The following ATP7A variants were observed in gnomAD, a reference collection of about 807,000 sequenced individuals.
ATP7A encodes the protein copper-transporting ATPase 1.
ATP7A carries 7 observed loss-of-function variants against 83.5 expected under a neutral mutation model. That is an observed-to-expected ratio of 0.08 (90% CI 0.05 to 0.16). The LOEUF is 0.16. ATP7A is among the 10% of genes least tolerant of loss of function. ATP7A has a pLI of 1.00. For missense variants in ATP7A, 940 were observed against 1,120.8 expected (o/e 0.84, Z 2.30); for synonymous variants, 354 against 395.2 (o/e 0.90, Z 1.24).
chrX:77,961,153 A>G (rs931510689), intron 1 of ATP7A, among the ~76,000 whole-genome samples: 57 of 111,737 alleles, frequency 5.1e-4, no homozygotes, highest in African/African-American at 1.8e-3. Flanking sequence ...CAGAATTGAT[A>G]TGACTTAAAT....
At chrX:78,010,332 T>C (rs1331538356) in intron 7 of ATP7A, among the ~76,000 whole-genome samples, 2 of 112,105 alleles carry the variant, frequency 1.8e-5, no homozygotes, top group Non-Finnish European at 1.9e-5. Context: ...CAAAAGCTCA[T>C]GCTTGTTCTA....
At chrX:78,012,590 T>TAAA (rs782360257) in intron 9 of ATP7A, among the ~76,000 whole-genome samples, 2 of 81,329 alleles carry the variant, frequency 2.5e-5, no homozygotes, top group South Asian at 6.3e-4. Context: ...GACTGTCTCT[T>TAAA]AAAAAAAAAA....
intron 4 of ATP7A, 108 bp downstream of exon 4, chrX:77,990,066 T>G: frequency 9.6e-7 from 1 of 1,040,451 alleles, no homozygotes; most frequent in Non-Finnish European, 1.3e-6. Context: ...GTAATTCCAC[T>G]TTTGCAAATA....
At chrX:78,017,735 GA>G (rs782796530) in intron 12 of ATP7A, among the ~76,000 whole-genome samples, 1 of 105,369 alleles carries the variant, frequency 9.5e-6, no homozygotes, top group East Asian at 3.0e-4. Context: ...TAGGGTGGGG[GA>G]AAAATGCCAT....
At chrX:77,950,801 A>T (rs1231351096) in intron 1 of ATP7A, among the ~76,000 whole-genome samples, 2 of 111,208 alleles carry the variant, frequency 1.8e-5, no homozygotes, top group African/African-American at 3.3e-5. Flanking sequence ...AGGCAGGCAG[A>T]TCACAAGGTC....
chrX:77,937,592 T>C (rs1225172309), intron 1 of ATP7A, among the ~76,000 whole-genome samples: 2 of 111,794 alleles, frequency 1.8e-5, no homozygotes, highest in Non-Finnish European at 3.8e-5. Context: ...GATGAATAGA[T>C]TGTTGTATTT....
chrX:77,966,821 C>T (rs1009352644), intron 1 of ATP7A: 11 of 328,329 alleles, frequency 3.4e-5, no homozygotes, highest in East Asian at 9.8e-5. Flanking sequence ...ATGTGCAGAA[C>T]GTGCAGGTTT....
chrX:78,048,813 G>A lies in ATP7A; in HGVS notation c.*2243G>A, dbSNP rs1360741112. The A allele has an allele frequency of 2.7e-5, 3 of 110,886 alleles. No homozygotes were observed. Among genetic ancestry groups the A allele is most frequent in the Non-Finnish European group, 5.7e-5 (3 of 53,002 alleles). 9.1% of individuals were successfully genotyped at this position (110,886 alleles called of 1,213,427 possible). Reference sequence around the variant, plus strand: ...CAACTTGTTTCTTCTAGAAGACAGAGCTGATAGGGTAAATGTTGAAAAAAG... The same window carrying A: ...CAACTTGTTTCTTCTAGAAGACAGAACTGATAGGGTAAATGTTGAAAAAAG... On this transcript the variant is annotated 3_prime_UTR_variant, in exon 23 of 23. Transcript: ENST00000341514.
At chrX:77,979,399 ATAAT>A (rs1460980674) in intron 2 of ATP7A, among the ~76,000 whole-genome samples, 3 of 111,950 alleles carry the variant, frequency 2.7e-5, no homozygotes, top group Non-Finnish European at 3.8e-5. Flanking sequence ...ATTTCTGCAA[ATAAT>A]TAATGGGAAC....
At chrX:77,928,380 G>A (rs569886144) in intron 1 of ATP7A, among the ~76,000 whole-genome samples, 147 of 101,428 alleles carry the variant, frequency 1.4e-3, no homozygotes, top group Middle Eastern at 9.7e-3. Flanking sequence ...CAGAATACCT[G>A]TACCTGATTT....
chrX:77,976,974 G>A (rs1557230383), intron 2 of ATP7A, among the ~76,000 whole-genome samples: 1 of 111,252 alleles, frequency 9.0e-6, no homozygotes, highest in African/African-American at 3.3e-5. Context: ...ACAGGGATAC[G>A]GTTGCCTTTA....
rs1557231245 is a variant in ATP7A at position 77,985,169 on chromosome X, TC to T, written c.121-3072del. On this transcript the variant is annotated intron_variant, in intron 2 of 22. Coordinates refer to ENST00000341514, the MANE Select transcript of ATP7A (RefSeq NM_000052.7). Reference sequence around the variant, plus strand: ...GAGCAGCTGGGACTACAGGAGTGTGTCACCATGCCTGGGTAATTTTTGTATT... The same window carrying T: ...GAGCAGCTGGGACTACAGGAGTGTGTACCATGCCTGGGTAATTTTTGTATT... 1.3e-3 allele frequency among the ~76,000 whole-genome samples: 143 copies of T among 110,549 alleles called. 1 individual carries two copies. In the East Asian group the frequency reaches 0.022, roughly 17 times the overall value.
At chrX:77,930,985 CTTTTTT>C (rs1180844779) in intron 1 of ATP7A, among the ~76,000 whole-genome samples, 8 of 34,967 alleles carry the variant, frequency 2.3e-4, no homozygotes, top group South Asian at 1.6e-3. Context: ...TAGGAACATT[CTTTTTT>C]TTTTTTTTTT....
At chrX:77,941,609 T>C (rs782207798) in intron 1 of ATP7A, among the ~76,000 whole-genome samples, 5 of 111,462 alleles carry the variant, frequency 4.5e-5, no homozygotes, top group Non-Finnish European at 7.5e-5. Context: ...ATAGTACATA[T>C]AGTATGATCC....
intron 14 of ATP7A, among the ~76,000 whole-genome samples, chrX:78,024,013 T>C (rs2149101805): frequency 9.0e-6 from 1 of 111,629 alleles, no homozygotes; most frequent in African/African-American, 3.3e-5. Context: ...CTTCTGCATA[T>C]GGCTAGCTAG....
At position 78,011,823 on chromosome X, in the gene ATP7A, G is replaced by T. The variant is rs782039426; in HGVS notation, c.2172+149G>T. ...CTTTACAAAAATAATCTTCAACTGGGTAGTTATTTAAGTTGATAATAGATG... is the reference window on the plus strand; with the variant it reads ...CTTTACAAAAATAATCTTCAACTGGTTAGTTATTTAAGTTGATAATAGATG... On this transcript the variant is annotated intron_variant, in intron 9 of 22. Coordinates refer to ENST00000341514, the MANE Select transcript of ATP7A (RefSeq NM_000052.7). 9 of 619,588 alleles carry T rather than the reference G, an allele frequency of 1.5e-5. No individual in the cohort carries two copies. In the African/African-American group the frequency reaches 1.7e-4, roughly 12 times the overall value. 51.1% of individuals were successfully genotyped at this position (619,588 alleles called of 1,213,427 possible). A position where few individuals can be genotyped will look rare whatever the true frequency, so the allele number is the denominator to read the frequency against.
intron 5 of ATP7A, 42 bp from the exon 6 acceptor site, chrX:78,003,031 A>G: frequency 8.8e-7 from 1 of 1,142,659 alleles, no homozygotes; most frequent in Non-Finnish European, 1.2e-6. Flanking sequence ...CTCTTTTTAA[A>G]AAGAATGTTA....
intron 1 of ATP7A, chrX:77,923,339 G>T (rs1481427266): frequency 5.4e-5 from 6 of 110,340 alleles, no homozygotes; most frequent in Non-Finnish European, 9.5e-5. Context: ...GGCAATTTTG[G>T]CTCTCCATTT....
rs975432154 is a variant in ATP7A at position 77,937,997 on chromosome X, G to A, written c.-22+27162G>A. ...GGCATGTTGTCAGTGTTAATATTTG[G>A]TCTGGTGTACTAATTACCACCCCTC... On this transcript the variant is annotated intron_variant, in intron 1 of 22. Transcript: ENST00000341514. 7.3e-5 allele frequency among the ~76,000 whole-genome samples: 8 copies of A among 109,642 alleles called. No individual in the cohort carries two copies. The East Asian group carries it at 2.3e-3, about 31-fold the overall frequency.
Sources: allele counts gnomAD v4.1 joint callset (sites outside exome capture counted in the v4.1 genomes callset), GRCh38; gene constraint gnomAD v4.1.1; transcripts MANE v1.5; gene names NCBI Gene and HGNC (gene_info 2026-07-23, HGNC 2026-07-21).